DST: variants seen among roughly 807,000 people sequenced by gnomAD.
DST encodes the protein dystonin.
DST carries 253 observed loss-of-function variants against 875.2 expected under a neutral mutation model. The observed-to-expected ratio is 0.29, with a 90% CI of 0.26 to 0.32. The LOEUF is 0.32. Ranked by LOEUF, DST falls within the 10% of genes least tolerant of loss-of-function variation. DST has a pLI of 1.00. For missense variants in DST, 8,287 were observed against 9,111.6 expected, an observed-to-expected ratio of 0.91 and a Z score of 3.68; for synonymous variants, 3,124 against 3,197.1, an observed-to-expected ratio of 0.98 and a Z score of 0.77.
chr6:56,524,557 CTT>C (rs1022500277), intron 69 of DST, among the ~76,000 whole-genome samples: 11 of 152,136 alleles, frequency 7.2e-5, no homozygotes, highest in African/African-American at 2.7e-4. Context: ...ATGCAAGTCA[CTT>C]TATCCCATGC....
At chr6:56,596,044 T>TTTATTTA (rs1563061063) in intron 47 of DST, among the ~76,000 whole-genome samples, 4 of 151,890 alleles carry the variant, frequency 2.6e-5, no homozygotes, top group East Asian at 1.9e-4. Flanking sequence ...TATTTATTTA[T>TTTATTTA]TTTGAGATGG....
chr6:56,866,975 C>T lies in DST; in HGVS notation c.418-15371G>A, dbSNP rs150905288. On this transcript the variant is annotated intron_variant, in intron 3 of 103. Coordinates refer to ENST00000680361, the MANE Select transcript of DST (RefSeq NM_001374736.1). ...ATTTCTTATTTATCTTATTTATCATCGCCTGCAATACTTGCCCTGAAGCTT... is the reference window on the plus strand; with the variant it reads ...ATTTCTTATTTATCTTATTTATCATTGCCTGCAATACTTGCCCTGAAGCTT... 1.5e-3 allele frequency among the ~76,000 whole-genome samples: 231 copies of T among 152,214 alleles called. 3 individuals are homozygous for T. In the South Asian group the frequency reaches 0.016, roughly 11 times the overall value.
chr6:56,843,808 G>A, intron 4 of DST: 1 of 567,464 alleles, frequency 1.8e-6, no homozygotes. Flanking sequence ...CGCCCCGGCT[G>A]GCTCAGCTCC....
chr6:56,653,212 A>G (rs569014765), intron 10 of DST, among the ~76,000 whole-genome samples: 11 of 152,354 alleles, frequency 7.2e-5, no homozygotes, highest in African/African-American at 2.2e-4. Flanking sequence ...TTCCTTCAGA[A>G]TGACATAGTC....
chr6:56,598,758 T>A, intron 45 of DST, 49 bp from the exon 46 acceptor site: 3 of 1,158,256 alleles, frequency 2.6e-6, no homozygotes, highest in Non-Finnish European at 3.6e-6. Flanking sequence ...ATTACCTATT[T>A]AGTTCTTCCA....
chr6:56,512,299 A>G (rs899850500), intron 72 of DST, among the ~76,000 whole-genome samples: 3 of 152,194 alleles, frequency 2.0e-5, no homozygotes, highest in Non-Finnish European at 2.9e-5. Flanking sequence ...CCTTTAATAG[A>G]GAAGATGTGT....
chr6:56,539,736 G>T (rs796218502), intron 61 of DST, among the ~76,000 whole-genome samples: 5 of 152,168 alleles, frequency 3.3e-5, no homozygotes, highest in African/African-American at 1.2e-4. Context: ...CTCACAAAAA[G>T]TTGGGAGCTA....
At chr6:56,824,362 C>G (rs1268650796) in intron 4 of DST, among the ~76,000 whole-genome samples, 3 of 152,328 alleles carry the variant, frequency 2.0e-5, no homozygotes, top group African/African-American at 7.2e-5. Context: ...CTCGCTACAA[C>G]CACCTCCCAG....
intron 22 of DST, among the ~76,000 whole-genome samples, chr6:56,638,072 A>T (rs2098843589): frequency 6.6e-6 from 1 of 152,040 alleles, no homozygotes; most frequent in Non-Finnish European, 1.5e-5. Flanking sequence ...CATAAAGATG[A>T]CTAAGGTTTC....
At chr6:56,929,906 T>C (rs1204137305) in intron 2 of DST, among the ~76,000 whole-genome samples, 1 of 152,264 alleles carries the variant, frequency 6.6e-6, no homozygotes, top group East Asian at 1.9e-4. Context: ...CAATGAATGA[T>C]TCATTTCTTA....
At chr6:56,791,770 A>G (rs1486635623) in intron 4 of DST, among the ~76,000 whole-genome samples, 1 of 150,468 alleles carries the variant, frequency 6.6e-6, no homozygotes, top group African/African-American at 2.5e-5. Context: ...TTTGGGCAAC[A>G]GAGTGAGACC....
At position 56,620,576 on chromosome 6, in the gene DST, T is replaced by C. The variant is rs1372393383; in HGVS notation, c.4929+3954A>G. 3.1e-6 allele frequency: 5 copies of C among 1,613,974 alleles called. No individual in the cohort carries two copies. Among genetic ancestry groups the C allele is most frequent in the African/African-American group, 2.7e-5 (2 of 74,936 alleles). ...AAGTTCTTCCTCTACTCGGGACTTT[T>C]GTTTCTTTAGTTCAGCTACCATTCT... On this transcript the variant is annotated intron_variant, in intron 36 of 103. Coordinates refer to ENST00000680361, the MANE Select transcript of DST (RefSeq NM_001374736.1).
intron 15 of DST, among the ~76,000 whole-genome samples, chr6:56,644,233 A>G (rs2098929100): frequency 6.6e-6 from 1 of 152,116 alleles, no homozygotes; most frequent in Non-Finnish European, 1.5e-5. Flanking sequence ...AATCACTCAA[A>G]TTACCTTTTC....
chr6:56,526,244 T>G lies in DST; in HGVS notation c.18129+117A>C, dbSNP rs2096794921. 5.3e-6 allele frequency: 6 copies of G among 1,136,202 alleles called. No homozygotes were observed. In the South Asian group the frequency reaches 7.8e-5, roughly 15 times the overall value. The allele number at this position is 1,136,202 out of a possible 1,614,324, so 70.4% of individuals were successfully genotyped here. ...ACTTCTTTTCAAATCCACTCTTTCA[T>G]TTTGGAAGCACAGCAAATGAATGGA... On this transcript the variant is annotated intron_variant, in intron 69 of 103. Coordinates refer to ENST00000680361, the MANE Select transcript of DST (RefSeq NM_001374736.1).
chr6:56,785,167 G>A (rs2099702570), intron 4 of DST, among the ~76,000 whole-genome samples: 1 of 152,316 alleles, frequency 6.6e-6, no homozygotes, highest in East Asian at 1.9e-4. Context: ...AGGCTGCTCG[G>A]GGACCCACCT....
At chr6:56,852,139 T>C (rs1275265067) in intron 3 of DST, 1 of 904,716 alleles carries the variant, frequency 1.1e-6, no homozygotes, top group African/African-American at 1.8e-5. Context: ...TTTAAGCCCC[T>C]GTCCTCTTTA....
chr6:56,900,343 A>C, intron 3 of DST, 78 bp downstream of exon 3: 1 of 1,170,562 alleles, frequency 8.5e-7, no homozygotes, highest in Non-Finnish European at 1.2e-6. Flanking sequence ...TAATCTGATA[A>C]TGTTTTTAAA....
chr6:56,762,382 T>C (rs1040649877), intron 4 of DST, among the ~76,000 whole-genome samples: 1 of 152,174 alleles, frequency 6.6e-6, no homozygotes, highest in Non-Finnish European at 1.5e-5. Flanking sequence ...AATGGCCTAC[T>C]TGCCTTCGCC....
At chr6:56,881,883 T>C (rs770654919) in intron 3 of DST, among the ~76,000 whole-genome samples, 23 of 152,168 alleles carry the variant, frequency 1.5e-4, no homozygotes, top group Non-Finnish European at 2.8e-4. Context: ...TTCAATTTCA[T>C]AGAGACCAAA....
Sources: gnomAD v4.1 joint callset for allele counts (sites outside exome capture counted in the v4.1 genomes callset) on GRCh38, gnomAD v4.1.1 for gene constraint, MANE v1.5 for transcripts, NCBI Gene and HGNC (gene_info 2026-07-23, HGNC 2026-07-21) for gene names.